Variants in DNAAF1 observed in about 807,000 individuals in gnomAD.
DNAAF1 encodes the protein dynein axonemal assembly factor 1, also known as dynein assembly factor 1, axonemal.
A neutral mutation model predicts 71.1 loss-of-function variants in DNAAF1; 65 were observed. The observed-to-expected ratio is 0.91, with a 90% confidence interval of 0.75 to 1.12. The LOEUF is 1.12. Among genes scored for constraint, DNAAF1 ranks in the 50% most tolerant of loss-of-function variants. The pLI, the probability that DNAAF1 is intolerant of heterozygous loss-of-function variation, is 0.00. For synonymous variants in DNAAF1, 414 were observed against 354.6 expected (o/e 1.17, Z -1.88); for missense variants, 1,178 against 899.8 (o/e 1.31, Z -3.96).
In DNAAF1 at chr16:84,176,185, A is replaced by G; in HGVS notation, c.1951A>G (p.Ser651Gly). Residue 651 changes from serine to glycine, a missense_variant, in exon 11 of 12, where the codon AGC (serine) becomes GGC (glycine). Physicochemically the swap from Ser to Gly is moderately conservative, Grantham distance 56. Coordinates refer to ENST00000378553, the MANE Select transcript of DNAAF1 (RefSeq NM_178452.6). ...KSPRPLIQEL[S>G]DEDPSGQLLM... ...CCCAAGACCCCTGATCCAGGAGCTCAGCGACGAGGACCCCTCTGGCCAGCT... is the reference window on the plus strand; with the variant it reads ...CCCAAGACCCCTGATCCAGGAGCTCGGCGACGAGGACCCCTCTGGCCAGCT... 1 of 1,614,028 alleles carries G rather than the reference A, an allele frequency of 6.2e-7. No homozygotes were observed. The highest frequency in any genetic ancestry group is 1.1e-5 in the South Asian group (1 of 91,088).
At chr16:84,149,275 G>C (rs2087070650) in intron 2 of DNAAF1, 133 bp downstream of exon 2, 1 of 1,164,584 alleles carries the variant, frequency 8.6e-7, no homozygotes, top group African/African-American at 1.5e-5. Context: ...AATGGAGTGA[G>C]GATGGCACTG....
chr16:84,149,174 T>C (rs749403706), intron 2 of DNAAF1, 32 bp downstream of exon 2: 7 of 1,612,936 alleles, frequency 4.3e-6, no homozygotes, highest in African/African-American at 1.3e-5. Flanking sequence ...TAGTGCACAT[T>C]TATGGAGTAA....
rs543506666 is a variant in DNAAF1 at position 84,145,419 on chromosome 16, G to A, written c.-22G>A. On this transcript the variant is annotated 5_prime_UTR_variant, in exon 1 of 12. Coordinates refer to ENST00000378553, the MANE Select transcript of DNAAF1 (RefSeq NM_178452.6). ...CCTGGGCCCCCCAAAGCTGCGGGGC[G>A]TTCGGTGTCGCCGAAGTAAACATGC... 1.1e-5 allele frequency: 17 copies of A among 1,574,598 alleles called. No individual in the cohort carries two copies. The African/African-American group carries it at 1.9e-4, about 17-fold the overall frequency.
chr16:84,166,949 C>G (rs2088040548), intron 7 of DNAAF1, among the ~76,000 whole-genome samples: 1 of 152,220 alleles, frequency 6.6e-6, no homozygotes, highest in Non-Finnish European at 1.5e-5. Flanking sequence ...CACCAATTCT[C>G]TGACACCAGC....
intron 3 of DNAAF1, among the ~76,000 whole-genome samples, chr16:84,152,867 G>C (rs149122349): frequency 0.014 from 2,120 of 151,688 alleles, 25 homozygotes; most frequent in Non-Finnish European, 0.02. Context: ...TGAGACAGGA[G>C]AATCACTTGA....
intron 6 of DNAAF1, among the ~76,000 whole-genome samples, chr16:84,161,259 G>A (rs1330632712): frequency 6.6e-6 from 1 of 152,202 alleles, no homozygotes; most frequent in Non-Finnish European, 1.5e-5. Context: ...AGTAGGAGCA[G>A]CTGCCACTGA....
intron 1 of DNAAF1, among the ~76,000 whole-genome samples, chr16:84,148,596 C>CTCTTTTTTTTTTTTTTTTTTTT: frequency 2.3e-4 from 10 of 43,578 alleles, no homozygotes; most frequent in African/African-American, 3.7e-4. Context: ...CTCTCTCTCT[C>CTCTTTTTTTTTTTTTTTTTTTT]TTTTTTTTTT....
In DNAAF1 at chr16:84,153,147, G is replaced by GA. The variant is rs528877267; in HGVS notation, c.353-1420dup. ...ACAGTGGTGTTGTGGCTATCTTAAAGAAAAAAAAAATCCTATCTTTTATAG... is the reference window on the plus strand; with the variant it reads ...ACAGTGGTGTTGTGGCTATCTTAAAGAAAAAAAAAAATCCTATCTTTTATAG... On this transcript the variant is annotated intron_variant, in intron 3 of 11. Coordinates refer to ENST00000378553, the MANE Select transcript of DNAAF1 (RefSeq NM_178452.6). Among the ~76,000 whole-genome samples the GA allele has an allele frequency of 4.1e-3, 606 of 149,498 alleles. 6 individuals are homozygous for GA. Among genetic ancestry groups the GA allele is most frequent in the African/African-American group, 0.014 (571 of 40,834 alleles).
intron 8 of DNAAF1, 66 bp downstream of exon 8, chr16:84,170,422 C>T (rs529649062): frequency 1.9e-6 from 3 of 1,609,228 alleles, no homozygotes; most frequent in Non-Finnish European, 1.7e-6. Flanking sequence ...CTTCGACTCA[C>T]GTCTCTGTGG....
intron 1 of DNAAF1, among the ~76,000 whole-genome samples, chr16:84,147,320 C>G (rs1407608574): frequency 2.6e-5 from 4 of 152,176 alleles, no homozygotes; most frequent in African/African-American, 4.8e-5. Context: ...AGTCCCCACA[C>G]GCACAGCCTT....
intron 5 of DNAAF1, among the ~76,000 whole-genome samples, chr16:84,157,003 C>T (rs963282006): frequency 6.6e-6 from 1 of 151,734 alleles, no homozygotes; most frequent in Non-Finnish European, 1.5e-5. Flanking sequence ...CAGGTGTGCA[C>T]CACCACGTCC....
rs146725281 is a variant in DNAAF1, at chr16:84,149,037, G to A, written c.155G>A (p.Gly52Asp). 4.3e-5 allele frequency: 70 copies of A among 1,614,022 alleles called. No homozygotes were observed. The African/African-American group carries it at 8.8e-4, about 20-fold the overall frequency. ...AATGATCCTAAGGAAATATGTGTGGGTTCTTCTGACACATCCTACCACAGC... is the reference window on the plus strand; with the variant it reads ...AATGATCCTAAGGAAATATGTGTGGATTCTTCTGACACATCCTACCACAGC... ...EINDPKEICV[G>D]SSDTSYHSQQ... The change falls in exon 2 of 12, where the codon GGT becomes GAT. Residue 52 changes from glycine to aspartate, a missense_variant. Physicochemically the swap from Gly to Asp is moderately conservative, Grantham distance 94 (BLOSUM62 -1). Coordinates refer to ENST00000378553, the MANE Select transcript of DNAAF1 (RefSeq NM_178452.6).
chr16:84,149,467 G>A lies in DNAAF1; in HGVS notation c.260+325G>A, dbSNP rs561997594. ...AGCACTTTGGGAGGCTGAGGTGGGC[G>A]AATCACAAGGTCAGGAGTTCGAGAC... On this transcript the variant is annotated intron_variant, in intron 2 of 11. Transcript: ENST00000378553. Among the ~76,000 whole-genome samples the A allele has an allele frequency of 1.2e-3, 189 of 152,104 alleles. 5 individuals carry two copies. The South Asian group carries it at 0.036, about 29-fold the overall frequency.
chr16:84,146,509 G>T (rs1395506440), intron 1 of DNAAF1, among the ~76,000 whole-genome samples: 1 of 152,154 alleles, frequency 6.6e-6, no homozygotes, highest in African/African-American at 2.4e-5. Context: ...CTGAAGTCAG[G>T]AGTTCGAGAC....
At chr16:84,160,761 C>T (rs571451392) in intron 6 of DNAAF1, among the ~76,000 whole-genome samples, 173 of 151,642 alleles carry the variant, frequency 1.1e-3, no homozygotes, top group African/African-American at 3.8e-3. Context: ...GGTGAAACCG[C>T]GTCGCTACTA....
chr16:84,158,253 C>G (rs2087537111), intron 5 of DNAAF1, among the ~76,000 whole-genome samples: 1 of 152,106 alleles, frequency 6.6e-6, no homozygotes, highest in African/African-American at 2.4e-5. Flanking sequence ...TCTCATGATT[C>G]TGGAGACTGA....
At chr16:84,177,416 C>G (rs1446957434) in intron 11 of DNAAF1, 1 of 369,282 alleles carries the variant, frequency 2.7e-6, no homozygotes, top group African/African-American at 2.1e-5. Context: ...GCTGGGATTA[C>G]AGGCACCCGT....
Position 84,172,290 on chromosome 16 carries a change from G to T in DNAAF1, c.1559G>T (p.Gly520Val). Residue 520 changes from glycine (G) to valine (V), a missense_variant, in exon 9 of 12, where the codon GGT becomes GTT. Physicochemically the swap from Gly to Val is moderately radical, Grantham distance 109. Coordinates refer to ENST00000378553, the MANE Select transcript of DNAAF1 (RefSeq NM_178452.6). ...EPTPQAVATEGVFVTELDGTR... is the reference protein window; with the variant it reads ...EPTPQAVATEVVFVTELDGTR... ...ACTCCCCAGGCTGTGGCCACTGAGG[G>T]TGTATTCGTTACAGAACTTGATGGA... 1 of 1,614,170 alleles carries T rather than the reference G, an allele frequency of 6.2e-7. No individual in the cohort carries two copies.
chr16:84,149,851 C>T (rs996832689), intron 2 of DNAAF1, among the ~76,000 whole-genome samples: 2 of 151,292 alleles, frequency 1.3e-5, no homozygotes, highest in African/African-American at 4.9e-5. Context: ...ATGGTGAAAC[C>T]CCCCCTCTAC....
Sources: gnomAD v4.1 joint callset for allele counts (sites outside exome capture counted in the v4.1 genomes callset) on GRCh38, gnomAD v4.1.1 for gene constraint, MANE v1.5 for transcripts, NCBI Gene and HGNC (gene_info 2026-07-23, HGNC 2026-07-21) for gene names.